The following PCDHA4 variants were observed in gnomAD, a reference collection of about 807,000 sequenced individuals.
PCDHA4 encodes protocadherin alpha-4.
Under a neutral mutation model 61.4 loss-of-function variants are expected in PCDHA4, and 49 were observed. The observed-to-expected ratio is 0.80, with a 90% CI of 0.63 to 1.01. PCDHA4 has a LOEUF of 1.01. PCDHA4 is among the 50% of genes least tolerant of loss of function. PCDHA4 has a pLI of 0.00. For synonymous variants in PCDHA4, 590 were observed against 550.3 expected, an observed-to-expected ratio of 1.07 and a Z score of -1.01; for missense variants, 1,254 against 1,235.8, an observed-to-expected ratio of 1.01 and a Z score of -0.22.
At chr5:140,900,713 G>A (rs1367112592) in intron 1 of PCDHA4, among the ~76,000 whole-genome samples, 1 of 152,194 alleles carries the variant, frequency 6.6e-6, no homozygotes, top group Non-Finnish European at 1.5e-5. Context: ...TGGAAAGAAA[G>A]GAAATCCTAC....
At chr5:140,841,446 G>A (rs2150180701) in intron 1 of PCDHA4, 1 of 1,612,928 alleles carries the variant, frequency 6.2e-7, no homozygotes, top group Non-Finnish European at 8.5e-7. Context: ...GCCAAACACG[G>A]CACCTTCGTG....
Position 140,913,476 on chromosome 5 carries a change from T to G in PCDHA4, c.2386-65473T>G, listed in dbSNP as rs191224245. On this transcript the variant is annotated intron_variant, in intron 1 of 3. Transcript: ENST00000530339. ...TTTATTTACTTGGGTCTTCTCTCTT[T>G]TTTTCTTCATTAGTCTGTTTAAAAC... Among the ~76,000 whole-genome samples the G allele has an allele frequency of 5.9e-3, 899 of 152,286 alleles. 12 individuals carry two copies. Among genetic ancestry groups the G allele is most frequent in the African/African-American group, 0.02 (842 of 41,576 alleles).
intron 1 of PCDHA4, chr5:140,883,267 T>C: frequency 6.2e-7 from 1 of 1,614,048 alleles, no homozygotes. Flanking sequence ...TGGCGGGTCA[T>C]TGTACCCTTT....
At chr5:140,902,647 G>T (rs1286700570) in intron 1 of PCDHA4, among the ~76,000 whole-genome samples, 3 of 150,932 alleles carry the variant, frequency 2.0e-5, no homozygotes, top group African/African-American at 7.3e-5. Context: ...CTGAGATTTT[G>T]GTGCACCTGT....
At chr5:140,980,849 C>A (rs2096908252) in intron 2 of PCDHA4, among the ~76,000 whole-genome samples, 1 of 152,068 alleles carries the variant, frequency 6.6e-6, no homozygotes, top group Admixed American at 6.6e-5. Context: ...TAATACTAAT[C>A]TTTTTCGTAT....
intron 1 of PCDHA4, chr5:140,868,337 C>T (rs1380091281): frequency 1.3e-5 from 2 of 151,836 alleles, no homozygotes; most frequent in African/African-American, 2.4e-5. Context: ...TATAAAGTCA[C>T]TTATAATCAG....
chr5:140,884,096 G>T (rs782587372), intron 1 of PCDHA4: 1 of 1,613,580 alleles, frequency 6.2e-7, no homozygotes, highest in Non-Finnish European at 8.5e-7. Flanking sequence ...GCTTTCGTAT[G>T]AATTGCAGCT....
chr5:140,827,820 A>G (rs2150149356), intron 1 of PCDHA4: 6 of 378,944 alleles, frequency 1.6e-5, no homozygotes, highest in Non-Finnish European at 2.8e-5. Context: ...AGGGTTTACT[A>G]TAAAAGTAGA....
chr5:140,965,814 T>C (rs1423732818), intron 1 of PCDHA4, among the ~76,000 whole-genome samples: 1 of 152,224 alleles, frequency 6.6e-6, no homozygotes, highest in Non-Finnish European at 1.5e-5. Flanking sequence ...AAACAGAGCA[T>C]TTTAAACATT....
intron 1 of PCDHA4, among the ~76,000 whole-genome samples, chr5:140,973,960 T>C (rs2096609185): frequency 6.6e-6 from 1 of 152,248 alleles, no homozygotes; most frequent in African/African-American, 2.4e-5. Flanking sequence ...TTTACAGGTG[T>C]CTTTAAATGT....
chr5:140,846,375 T>TC lies in PCDHA4; in HGVS notation c.2385+36803_2385+36804insC, dbSNP rs1272448180. Among the ~76,000 whole-genome samples, 317 of 125,476 alleles carry TC rather than the reference T, an allele frequency of 2.5e-3. 15 individuals carry two copies. The highest frequency in any genetic ancestry group is 0.01 in the African/African-American group (304 of 29,966). The allele number at this position is 125,476 out of a possible 152,430, so 82.3% of individuals were successfully genotyped here. A position where few individuals can be genotyped will look rare whatever the true frequency, so the allele number is the denominator to read the frequency against. On this transcript the variant is annotated intron_variant, in intron 1 of 3. Transcript: ENST00000530339. ...TTTTTCTTTTCTTTTCTTTCTTTCT[T>TC]TTTTTTTTTTTTTTTTTGAGACGGA...
chr5:140,948,547 A>G (rs1054072354), intron 1 of PCDHA4, among the ~76,000 whole-genome samples: 9 of 151,490 alleles, frequency 5.9e-5, no homozygotes, highest in Admixed American at 5.9e-4. Flanking sequence ...ATGCTCTGTC[A>G]ATTTTGTTAA....
chr5:140,857,100 T>G (rs782765383), intron 1 of PCDHA4: 1 of 1,597,740 alleles, frequency 6.3e-7, no homozygotes. Context: ...GAGGTGATTG[T>G]CACTTCTCTG....
chr5:140,971,263 C>T (rs1554233162), intron 1 of PCDHA4, among the ~76,000 whole-genome samples: 1 of 152,186 alleles, frequency 6.6e-6, no homozygotes, highest in African/African-American at 2.4e-5. Flanking sequence ...CTATTTCTGT[C>T]TTACACTGAC....
At chr5:140,882,567 C>T (rs1554174625) in intron 1 of PCDHA4, 12 of 1,614,092 alleles carry the variant, frequency 7.4e-6, no homozygotes, top group East Asian at 2.2e-5. Context: ...GGGCGGAGCG[C>T]GGAGTGCAGC....
chr5:140,940,552 G>A (rs1198606745), intron 1 of PCDHA4, among the ~76,000 whole-genome samples: 4 of 152,018 alleles, frequency 2.6e-5, no homozygotes, highest in African/African-American at 9.7e-5. Flanking sequence ...GGGCTCAAGT[G>A]ATTCTCCTAC....
At chr5:140,924,104 C>A (rs538996937) in intron 1 of PCDHA4, among the ~76,000 whole-genome samples, 20 of 152,306 alleles carry the variant, frequency 1.3e-4, no homozygotes, top group Middle Eastern at 6.8e-3. Context: ...AATTTTCATT[C>A]CAAAGCAGTT....
At chr5:140,863,029 G>C (rs782621997) in intron 1 of PCDHA4, 1 of 556,606 alleles carries the variant, frequency 1.8e-6, no homozygotes, top group Non-Finnish European at 3.5e-6. Context: ...TGTCGCAACA[G>C]CTGCATCTGT....
At chr5:140,978,818 C>T in intron 1 of PCDHA4, 131 bp from the exon 2 acceptor site, 4 of 1,512,636 alleles carry the variant, frequency 2.6e-6, no homozygotes, top group Non-Finnish European at 3.5e-6. Flanking sequence ...TAGAGTTACA[C>T]ATGAAATGGC....
Sources: gnomAD v4.1 joint callset for allele counts (sites outside exome capture counted in the v4.1 genomes callset) on GRCh38, gnomAD v4.1.1 for gene constraint, MANE v1.5 for transcripts, NCBI Gene and HGNC (gene_info 2026-07-23, HGNC 2026-07-21) for gene names.